The following MIR2052HG variants were observed in gnomAD, a reference collection of about 807,000 sequenced individuals.
The protein encoded by MIR2052HG is MIR2052 host gene.
At chr8:74,682,793 A>G (rs1809139987) in intron 2 of MIR2052HG, among the ~76,000 whole-genome samples, 1 of 152,196 alleles carries the variant, frequency 6.6e-6, no homozygotes, top group Non-Finnish European at 1.5e-5. Flanking sequence ...GTTCATGTTC[A>G]CCAAGAGATG....
intron 4 of MIR2052HG, among the ~76,000 whole-genome samples, chr8:74,727,366 C>T (rs924417507): frequency 6.6e-6 from 1 of 152,100 alleles, no homozygotes; most frequent in African/African-American, 2.4e-5. Context: ...TACACCTATT[C>T]CCATGATTGC....
intron 1 of MIR2052HG, chr8:74,610,136 A>G (rs981809082): frequency 3.3e-5 from 5 of 151,886 alleles, no homozygotes; most frequent in South Asian, 2.1e-4. Context: ...AAAAAATTCT[A>G]TGGAATCTTC....
intron 2 of MIR2052HG, among the ~76,000 whole-genome samples, chr8:74,616,697 T>C (rs1277576431): frequency 6.6e-6 from 1 of 152,054 alleles, no homozygotes; most frequent in Non-Finnish European, 1.5e-5. Flanking sequence ...TAAACATACA[T>C]TAAAGGCTGT....
intron 2 of MIR2052HG, among the ~76,000 whole-genome samples, chr8:74,625,666 C>T (rs1450031884): frequency 6.6e-6 from 1 of 152,156 alleles, no homozygotes; most frequent in East Asian, 1.9e-4. Context: ...AAATTGTTTA[C>T]CCAAATAGTT....
At chr8:74,606,520 A>G (rs1808114174) in intron 1 of MIR2052HG, among the ~76,000 whole-genome samples, 2 of 152,238 alleles carry the variant, frequency 1.3e-5, no homozygotes, top group Admixed American at 6.5e-5. Context: ...AAAGAATACT[A>G]TTTTAAAGTT....
intron 2 of MIR2052HG, among the ~76,000 whole-genome samples, chr8:74,665,582 C>G (rs978255102): frequency 6.6e-6 from 1 of 152,196 alleles, no homozygotes; most frequent in Non-Finnish European, 1.5e-5. Flanking sequence ...TGTCATTAAT[C>G]ACTCTCTCAT....
intron 2 of MIR2052HG, among the ~76,000 whole-genome samples, chr8:74,620,536 G>A (rs1808347217): frequency 6.6e-6 from 1 of 152,228 alleles, no homozygotes; most frequent in African/African-American, 2.4e-5. Flanking sequence ...CTTGACTTCT[G>A]TGCACACACA....
intron 4 of MIR2052HG, among the ~76,000 whole-genome samples, chr8:74,719,630 G>C (rs981182258): frequency 6.6e-6 from 1 of 150,782 alleles, no homozygotes; most frequent in Non-Finnish European, 1.5e-5. Context: ...GGCTCTAGGC[G>C]CCCTCCACTT....
intron 1 of MIR2052HG, among the ~76,000 whole-genome samples, chr8:74,610,720 A>C (rs938794565): frequency 3.9e-5 from 6 of 152,064 alleles, no homozygotes; most frequent in African/African-American, 1.4e-4. Context: ...AACCAAAGGC[A>C]ATTCAGTGGA....
chr8:74,600,798 T>G (rs1478334112), intron 1 of MIR2052HG, among the ~76,000 whole-genome samples: 1 of 151,960 alleles, frequency 6.6e-6, no homozygotes, highest in Non-Finnish European at 1.5e-5. Flanking sequence ...ATGGTCTCGA[T>G]CTCCTGACCT....
chr8:74,672,337 G>A (rs557755374), intron 2 of MIR2052HG, among the ~76,000 whole-genome samples: 3 of 152,030 alleles, frequency 2.0e-5, no homozygotes, highest in Non-Finnish European at 2.9e-5. Flanking sequence ...GTACATTGCT[G>A]TGTAGGTAGT....
chr8:74,723,618 C>T (rs529502625), intron 4 of MIR2052HG, among the ~76,000 whole-genome samples: 10 of 152,184 alleles, frequency 6.6e-5, no homozygotes, highest in South Asian at 4.1e-4. Context: ...GCTCTATGCT[C>T]GGACTCCAGG....
At chr8:74,714,897 G>T (rs1395773786) in intron 4 of MIR2052HG, among the ~76,000 whole-genome samples, 2 of 151,542 alleles carry the variant, frequency 1.3e-5, no homozygotes, top group Non-Finnish European at 2.9e-5. Flanking sequence ...TAGAGATGGG[G>T]TCAAACTCCT....
intron 2 of MIR2052HG, among the ~76,000 whole-genome samples, chr8:74,666,359 C>A (rs968391650): frequency 6.6e-6 from 1 of 152,206 alleles, no homozygotes; most frequent in African/African-American, 2.4e-5. Context: ...CAAAGCCCAC[C>A]CATCTAAAGT....
chr8:74,626,038 ACACTAGCACTC>A (rs1246552242), intron 2 of MIR2052HG, among the ~76,000 whole-genome samples: 2 of 152,122 alleles, frequency 1.3e-5, no homozygotes, highest in African/African-American at 4.8e-5. Context: ...CCCACCCTCC[ACACTAGCACTC>A]CCTGGACACC....
intron 2 of MIR2052HG, among the ~76,000 whole-genome samples, chr8:74,661,653 C>T (rs1808866575): frequency 6.6e-6 from 1 of 152,126 alleles, no homozygotes; most frequent in Admixed American, 6.5e-5. Context: ...ATGATTTCTT[C>T]CACATGTTGT....
intron 2 of MIR2052HG, among the ~76,000 whole-genome samples, chr8:74,686,407 TAGAG>T (rs1447044969): frequency 1.3e-5 from 2 of 152,056 alleles, no homozygotes; most frequent in Non-Finnish European, 1.5e-5. Context: ...ACTTGATTGA[TAGAG>T]AGCTTGATTT....
chr8:74,639,228 T>C (rs983862797), intron 2 of MIR2052HG, among the ~76,000 whole-genome samples: 1 of 152,326 alleles, frequency 6.6e-6, no homozygotes, highest in African/African-American at 2.4e-5. Flanking sequence ...GTTTATATTA[T>C]ATTTTCAATT....
Position 74,654,777 on chromosome 8 carries a change from G to C in MIR2052HG, n.216+41837G>C, listed in dbSNP as rs1808787317. ...ATCAGGAGTAGGGTGTTCCTGAGAA[G>C]ATACCCGAAAATGTGGAAGCGACTT... On this transcript the variant is annotated intron_variant and non_coding_transcript_variant, in intron 2 of 6. Transcript: ENST00000523442. Among the ~76,000 whole-genome samples the C allele has an allele frequency of 3.3e-5, 5 of 152,178 alleles. No individual in the cohort carries two copies. In the South Asian group the frequency reaches 1.0e-3, roughly 31 times the overall value.
Sources: allele counts gnomAD v4.1 joint callset (sites outside exome capture counted in the v4.1 genomes callset), GRCh38; gene constraint gnomAD v4.1.1; transcripts MANE v1.5; gene names NCBI Gene and HGNC (gene_info 2026-07-23, HGNC 2026-07-21).